GRIK5: variants seen among roughly 807,000 people sequenced by gnomAD.
The protein encoded by GRIK5 is glutamate ionotropic receptor kainate type subunit 5, also known as glutamate receptor ionotropic, kainate 5.
In GRIK5, 43 loss-of-function variants were observed where a neutral mutation model predicts 97.4. That is an observed-to-expected ratio of 0.44 (90% CI 0.35 to 0.57). GRIK5 has a LOEUF of 0.57. Ranked by LOEUF, GRIK5 falls within the 20% of genes least tolerant of loss-of-function variation. The pLI, the probability that GRIK5 is intolerant of heterozygous loss-of-function variation, is 0.01. For synonymous variants in GRIK5, 580 were observed against 583.5 expected, an observed-to-expected ratio of 0.99 and a Z score of 0.09; for missense variants, 1,015 against 1,382.0, an observed-to-expected ratio of 0.73 and a Z score of 4.21.
intron 11 of GRIK5, among the ~76,000 whole-genome samples, chr19:42,044,779 G>A (rs576857309): frequency 1.2e-3 from 180 of 152,212 alleles, no homozygotes; most frequent in Non-Finnish European, 1.8e-3. Context: ...GCAAAACCCC[G>A]TCTCTATAAA....
rs575266551 is a variant in GRIK5, at chr19:41,998,827, C to A, written c.*44G>T. On this transcript the variant is annotated 3_prime_UTR_variant, in exon 20 of 20. Transcript: ENST00000593562. ...GACTGCTGGGGCCTGGGGCGGGCCC[C>A]GTCCCTTCGGTCAGTCCGGGCGCCC... is the stretch of plus-strand genomic sequence containing the variant. The A allele has an allele frequency of 2.9e-6, 3 of 1,023,066 alleles. No homozygotes were observed. In the Admixed American group the frequency reaches 1.5e-4, roughly 52 times the overall value. 63.4% of individuals were successfully genotyped at this position (1,023,066 alleles called of 1,614,324 possible).
Position 42,022,464 on chromosome 19 carries a change from G to C in GRIK5, c.1474-110C>G, listed in dbSNP as rs547572190. 2 of 1,479,256 alleles carry C rather than the reference G, an allele frequency of 1.4e-6. No homozygotes were observed. The highest frequency in any genetic ancestry group is 4.9e-5 in the East Asian group (2 of 40,448). The allele number at this position is 1,479,256 out of a possible 1,614,324, so 91.6% of individuals were successfully genotyped here. ...GAGCAACTGAGGGAGGCGAGAGAGAGAGAGGTAGGGAGGGGGAGGGGCCAG... is the reference window on the plus strand; with the variant it reads ...GAGCAACTGAGGGAGGCGAGAGAGACAGAGGTAGGGAGGGGGAGGGGCCAG... On this transcript the variant is annotated intron_variant, in intron 12 of 19. Coordinates refer to ENST00000593562, the MANE Select transcript of GRIK5 (RefSeq NM_002088.5). The surrounding 1 kb of genome is among the most constrained non-coding windows in gnomAD (Gnocchi z 4.2).
At chr19:42,001,034 C>T (rs2075418936) in intron 19 of GRIK5, among the ~76,000 whole-genome samples, 1 of 152,158 alleles carries the variant, frequency 6.6e-6, no homozygotes, top group South Asian at 2.1e-4. Context: ...ACCAACCAAT[C>T]TATACCCCCA....
intron 5 of GRIK5, among the ~76,000 whole-genome samples, chr19:42,060,429 AT>A (rs1479345558): frequency 2.0e-5 from 3 of 152,102 alleles, no homozygotes; most frequent in Admixed American, 2.0e-4. Context: ...GAAATGAGTT[AT>A]GAAGACTGGG....
intron 5 of GRIK5, among the ~76,000 whole-genome samples, chr19:42,060,447 G>A (rs533485549): frequency 3.3e-5 from 5 of 152,252 alleles, no homozygotes; most frequent in African/African-American, 1.2e-4. Context: ...TGGGAGTCTA[G>A]TGTGGGTGTG....
Position 42,021,886 on chromosome 19 carries a change from C to T in GRIK5, c.1697+61G>A. The T allele has an allele frequency of 8.8e-7, 1 of 1,138,816 alleles. No individual in the cohort carries two copies. The highest frequency in any genetic ancestry group is 1.3e-6 in the Non-Finnish European group (1 of 768,762). 70.5% of individuals were successfully genotyped at this position (1,138,816 alleles called of 1,614,324 possible). A position where few individuals can be genotyped will look rare whatever the true frequency, so the allele number is the denominator to read the frequency against. ...TCCGAGAGAGAAGAGGCAGGTCGGTCCCAGAGGCCTCGGCTCGTGCCTCCT... is the reference window on the plus strand; with the variant it reads ...TCCGAGAGAGAAGAGGCAGGTCGGTTCCAGAGGCCTCGGCTCGTGCCTCCT... On this transcript the variant is annotated intron_variant, in intron 14 of 19. Transcript: ENST00000593562. This position sits in a 1 kb window ranked among gnomAD's most constrained non-coding sequence, Gnocchi z 4.2.
In GRIK5 at chr19:41,998,970, G is replaced by C; in HGVS notation, c.2844C>G (p.Gly948=). 8.6e-7 allele frequency: 1 copy of C among 1,163,494 alleles called. No individual in the cohort carries two copies. The highest frequency in any genetic ancestry group is 1.1e-6 in the Non-Finnish European group (1 of 940,798). The allele number at this position is 1,163,494 out of a possible 1,614,324, so 72.1% of individuals were successfully genotyped here. The change falls in exon 20 of 20, where the codon GGC becomes GGG. Residue 948 remains glycine, a synonymous_variant. Coordinates refer to ENST00000593562, the MANE Select transcript of GRIK5 (RefSeq NM_002088.5). Reference sequence around the variant, plus strand: ...GGACGCCCAGGCCACGCGGAGGCGCGCCGGCCCCCGAGGCCCGCAGCGCCT... The same window carrying C: ...GGACGCCCAGGCCACGCGGAGGCGCCCCGGCCCCCGAGGCCCGCAGCGCCT... ...RIQALRASGA[G]APPRGLGVPA...
In GRIK5 at chr19:42,062,419, T is replaced by A; in HGVS notation, c.508+69A>T. ...AACTAGGGGGCAGTGAACCACTGTG[T>A]GGGACACCAGATCTCTTGGGAAGGG... is the stretch of plus-strand genomic sequence containing the variant. On this transcript the variant is annotated intron_variant, in intron 5 of 19. Coordinates refer to ENST00000593562, the MANE Select transcript of GRIK5 (RefSeq NM_002088.5). The surrounding 1 kb of genome is among the most constrained non-coding windows in gnomAD (Gnocchi z 5.3). 1 of 1,527,524 alleles carries A rather than the reference T, an allele frequency of 6.5e-7. No homozygotes were observed. Among genetic ancestry groups the A allele is most frequent in the East Asian group, 2.3e-5 (1 of 42,976 alleles). The allele number at this position is 1,527,524 out of a possible 1,614,324, so 94.6% of individuals were successfully genotyped here. A position where few individuals can be genotyped will look rare whatever the true frequency, so the allele number is the denominator to read the frequency against.
intron 15 of GRIK5, among the ~76,000 whole-genome samples, chr19:42,010,642 G>T (rs974518023): frequency 6.6e-6 from 1 of 152,180 alleles, no homozygotes; most frequent in African/African-American, 2.4e-5. Context: ...TTAATTGCCA[G>T]CAGACCCGCA....
chr19:42,019,311 G>C (rs2075669159), intron 15 of GRIK5, among the ~76,000 whole-genome samples: 1 of 152,110 alleles, frequency 6.6e-6, no homozygotes, highest in Non-Finnish European at 1.5e-5. Flanking sequence ...GGACGACTCT[G>C]TTTCTGCCTT....
At chr19:42,057,988 G>C (rs2076209779) in intron 6 of GRIK5, among the ~76,000 whole-genome samples, 1 of 152,130 alleles carries the variant, frequency 6.6e-6, no homozygotes, top group African/African-American at 2.4e-5. Context: ...GTGGGTGTCA[G>C]GGAAGGGCAG....
chr19:42,056,560 G>T lies in GRIK5; in HGVS notation c.903+102C>A, dbSNP rs144436390. Reference sequence around the variant, plus strand: ...GGCCACACCACGAGGCCTCAGGGAGGGCGAGAGGGTTCTGAGCATGATCTG... The same window carrying T: ...GGCCACACCACGAGGCCTCAGGGAGTGCGAGAGGGTTCTGAGCATGATCTG... On this transcript the variant is annotated intron_variant, in intron 8 of 19. Coordinates refer to ENST00000593562, the MANE Select transcript of GRIK5 (RefSeq NM_002088.5). The T allele has an allele frequency of 8.6e-5, 85 of 992,462 alleles. No homozygotes were observed. In the African/African-American group the frequency reaches 1.2e-3, roughly 14 times the overall value. The allele number at this position is 992,462 out of a possible 1,614,324, so 61.5% of individuals were successfully genotyped here. A position where few individuals can be genotyped will look rare whatever the true frequency, so the allele number is the denominator to read the frequency against.
intron 12 of GRIK5, among the ~76,000 whole-genome samples, chr19:42,041,280 A>G (rs886400086): frequency 6.6e-6 from 1 of 152,180 alleles, no homozygotes; most frequent in Non-Finnish European, 1.5e-5. Context: ...TGCCCTGGCC[A>G]TCTCTGGCCA....
At chr19:42,027,865 T>C (rs2075791125) in intron 12 of GRIK5, among the ~76,000 whole-genome samples, 1 of 152,204 alleles carries the variant, frequency 6.6e-6, no homozygotes, top group African/African-American at 2.4e-5. Context: ...GGTTTTGCTC[T>C]GTCACCCAGG....
Position 42,056,789 on chromosome 19 carries a change from T to C in GRIK5, c.776A>G (p.Glu259Gly). The change falls in exon 8 of 20, where the codon GAG (glutamate) becomes GGG (glycine). Residue 259 changes from glutamate to glycine, a missense_variant. Around this residue, in one of 5 missense-constraint regions of GRIK5, gnomAD observed 477 missense variants for 701.1 expected, o/e 0.68. Transcript: ENST00000593562. ...FPILHLDGIVEDSSNILGFSM... is the reference protein window; with the variant it reads ...FPILHLDGIVGDSSNILGFSM... ...GAAGCCCAGGATGTTGGAGGAGTCC[T>C]CCACAATACCGTCCAGATGCAGGAT... 1.2e-6 allele frequency: 2 copies of C among 1,614,094 alleles called. No individual in the cohort carries two copies. Among genetic ancestry groups the C allele is most frequent in the Middle Eastern group, 1.6e-4 (1 of 6,062 alleles).
In GRIK5 at chr19:42,065,715, T is replaced by A; in HGVS notation, c.56A>T (p.Gln19Leu). ...LIVAFASPSC[Q>L]VLSSLRMAAI... Reference sequence around the variant, plus strand: ...ACCCATGCGCAGTGATGAGAGCACCTGGCAGCTGGGGCTGGCGAAGGCAAC... The same window carrying A: ...ACCCATGCGCAGTGATGAGAGCACCAGGCAGCTGGGGCTGGCGAAGGCAAC... The change falls in exon 2 of 20, where the codon CAG (glutamine) becomes CTG (leucine). Residue 19 changes from glutamine (Q) to leucine (L), a missense_variant. Gln to Leu is a moderately radical substitution (Grantham distance 113). Coordinates refer to ENST00000593562, the MANE Select transcript of GRIK5 (RefSeq NM_002088.5). This position sits in a 1 kb window ranked among gnomAD's most constrained non-coding sequence, Gnocchi z 5.8. The A allele has an allele frequency of 6.3e-7, 1 of 1,595,910 alleles. No homozygotes were observed. The highest frequency in any genetic ancestry group is 1.1e-5 in the South Asian group (1 of 87,962).
rs1205213937 is a variant in GRIK5 at position 42,069,134 on chromosome 19, C to T, written c.-51+107G>A. The T allele has an allele frequency of 1.9e-5, 8 of 410,872 alleles. No homozygotes were observed. The East Asian group carries it at 2.9e-4, about 15-fold the overall frequency. 25.5% of individuals were successfully genotyped at this position (410,872 alleles called of 1,614,324 possible). ...GGCCCCTAGTGGGGGAGGGTACTTG[C>T]CAGTCCGGAGAACGGGGAGAATGTG... On this transcript the variant is annotated intron_variant, in intron 1 of 19. Coordinates refer to ENST00000593562, the MANE Select transcript of GRIK5 (RefSeq NM_002088.5).
In GRIK5 at chr19:42,069,746, G is replaced by A. The variant is rs1000571702; in HGVS notation, c.-556C>T. Among the ~76,000 whole-genome samples, 7 of 151,200 alleles carry A rather than the reference G, an allele frequency of 4.6e-5. No individual in the cohort carries two copies. Among genetic ancestry groups the A allele is most frequent in the Non-Finnish European group, 8.9e-5 (6 of 67,684 alleles). Reference sequence around the variant, plus strand: ...GGAGGGCCTGCTGGGGGAGGGGGCCGCCCCCTTTCCCCCTCCCCCCTGGAG... The same window carrying A: ...GGAGGGCCTGCTGGGGGAGGGGGCCACCCCCTTTCCCCCTCCCCCCTGGAG... On this transcript the variant is annotated 5_prime_UTR_variant, in exon 1 of 20. Coordinates refer to ENST00000593562, the MANE Select transcript of GRIK5 (RefSeq NM_002088.5).
chr19:42,007,097 CT>C (rs880000872), intron 15 of GRIK5, among the ~76,000 whole-genome samples: 1,711 of 140,152 alleles, frequency 0.012, 8 homozygotes, highest in Middle Eastern at 0.022. Flanking sequence ...AAACTTTTTT[CT>C]TTTTTTTTTT....
Sources: allele counts gnomAD v4.1 joint callset (sites outside exome capture counted in the v4.1 genomes callset), GRCh38; gene constraint gnomAD v4.1.1; regional missense constraint gnomAD v4.1.1; non-coding constraint Gnocchi (gnomAD v3.1); transcripts MANE v1.5; gene names NCBI Gene and HGNC (gene_info 2026-07-23, HGNC 2026-07-21).